Variants in DIS3L2 observed in about 807,000 individuals in gnomAD.
DIS3L2 encodes DIS3 like 3'-5' exoribonuclease 2.
Under a neutral mutation model 97.5 loss-of-function variants are expected in DIS3L2, and 34 were observed. The observed-to-expected ratio is 0.35, with a 90% CI of 0.27 to 0.46. The LOEUF (loss-of-function observed/expected upper bound fraction) is 0.46, where lower values mean the gene tolerates loss of function less well. Among genes scored for constraint, DIS3L2 ranks in the 20% least tolerant of loss-of-function variants. DIS3L2 has a pLI of 1.00. For missense variants in DIS3L2, 1,038 were observed against 1,146.0 expected (o/e 0.91, Z 1.36); for synonymous variants, 435 against 445.2 (o/e 0.98, Z 0.29).
chr2:232,250,629 C>T (rs1574972252), intron 12 of DIS3L2, among the ~76,000 whole-genome samples: 1 of 152,062 alleles, frequency 6.6e-6, no homozygotes, highest in East Asian at 1.9e-4. Flanking sequence ...AAAAATTGCC[C>T]CTCCTATAAC....
chr2:232,200,584 A>T (rs1172968243), intron 9 of DIS3L2, among the ~76,000 whole-genome samples: 1 of 149,510 alleles, frequency 6.7e-6, no homozygotes, highest in Admixed American at 6.6e-5. Context: ...AACACAGTGA[A>T]TTTTTTTAAA....
intron 14 of DIS3L2, 28 bp from the exon 15 acceptor site, chr2:232,329,785 T>TCCCGGGGGGGGGGGCC: frequency 5.2e-6 from 5 of 967,140 alleles, no homozygotes; most frequent in South Asian, 2.1e-5. Flanking sequence ...ACCCCAGCGG[T>TCCCGGGGGGGGGGGCC]CCCTCCCATC....
chr2:232,156,769 A>G (rs535056107), intron 8 of DIS3L2, among the ~76,000 whole-genome samples: 71 of 152,168 alleles, frequency 4.7e-4, no homozygotes, highest in Non-Finnish European at 8.8e-4. Flanking sequence ...CCTCACAAAC[A>G]CTGAGACTCC....
intron 6 of DIS3L2, among the ~76,000 whole-genome samples, chr2:232,092,232 T>C (rs1293401596): frequency 1.3e-5 from 2 of 152,194 alleles, no homozygotes. Flanking sequence ...TATGGATGTA[T>C]GTATTCTGGG....
At chr2:232,075,975 T>A (rs1663012921) in intron 5 of DIS3L2, among the ~76,000 whole-genome samples, 1 of 152,244 alleles carries the variant, frequency 6.6e-6, no homozygotes. Context: ...AAGAAACTGC[T>A]TTTCCAAGGT....
intron 9 of DIS3L2, among the ~76,000 whole-genome samples, chr2:232,190,511 A>G (rs540652952): frequency 1.4e-3 from 211 of 152,264 alleles, no homozygotes; most frequent in African/African-American, 4.5e-3. Flanking sequence ...TGGATTGGGA[A>G]AGATGAGTAA....
At chr2:232,225,376 G>A (rs1692617647) in intron 10 of DIS3L2, among the ~76,000 whole-genome samples, 2 of 152,100 alleles carry the variant, frequency 1.3e-5, no homozygotes, top group South Asian at 4.2e-4. Context: ...CTCTTACAAT[G>A]GAATATTATA....
At chr2:231,979,157 A>G (rs1366474059) in intron 1 of DIS3L2, among the ~76,000 whole-genome samples, 2 of 152,054 alleles carry the variant, frequency 1.3e-5, no homozygotes, top group Non-Finnish European at 2.9e-5. Flanking sequence ...CTAGGTTTTA[A>G]GCTATTTTTC....
At position 232,295,955 on chromosome 2, in the gene DIS3L2, G is replaced by A. The variant is rs527747336; in HGVS notation, c.1660-4085G>A. On this transcript the variant is annotated intron_variant, in intron 13 of 20. Coordinates refer to ENST00000325385, the MANE Select transcript of DIS3L2 (RefSeq NM_152383.5). Reference sequence around the variant, plus strand: ...GCCACTCCCCAGTTTCTGTTGTCCAGCTCTTAAATACAGGTGTTTCTCAGG... The same window carrying A: ...GCCACTCCCCAGTTTCTGTTGTCCAACTCTTAAATACAGGTGTTTCTCAGG... 3.9e-4 allele frequency among the ~76,000 whole-genome samples: 59 copies of A among 152,286 alleles called. 1 individual carries two copies. The highest frequency in any genetic ancestry group is 1.4e-3 in the African/African-American group (57 of 41,556).
At chr2:232,302,118 A>G (rs574946292) in intron 14 of DIS3L2, among the ~76,000 whole-genome samples, 1 of 151,486 alleles carries the variant, frequency 6.6e-6, no homozygotes, top group East Asian at 2.0e-4. Context: ...GTAGGAAATC[A>G]GATAGGAGCC....
intron 13 of DIS3L2, among the ~76,000 whole-genome samples, chr2:232,274,554 T>C (rs1694091481): frequency 6.6e-6 from 1 of 152,244 alleles, no homozygotes; most frequent in South Asian, 2.1e-4. Flanking sequence ...GGGGCTCTGC[T>C]GCGAAGGCCA....
At chr2:232,215,799 TAAAGAGC>T (rs1692316335) in intron 10 of DIS3L2, among the ~76,000 whole-genome samples, 3 of 152,124 alleles carry the variant, frequency 2.0e-5, no homozygotes, top group African/African-American at 4.8e-5. Flanking sequence ...GTAGTTGTTT[TAAAGAGC>T]AAAGGGCTGA....
At chr2:232,239,207 C>G (rs1253489459) in intron 11 of DIS3L2, among the ~76,000 whole-genome samples, 1 of 152,190 alleles carries the variant, frequency 6.6e-6, no homozygotes, top group Non-Finnish European at 1.5e-5. Flanking sequence ...TGTCTACAGA[C>G]CTCCCTAGAC....
chr2:232,055,455 A>C (rs981928012), intron 5 of DIS3L2, among the ~76,000 whole-genome samples: 36 of 152,384 alleles, frequency 2.4e-4, no homozygotes, highest in Admixed American at 2.4e-3. Flanking sequence ...TCAACATTGC[A>C]AACGACACAA....
In DIS3L2 at chr2:232,343,370, C is replaced by T. The variant is rs752623866; in HGVS notation, c.1607C>T (p.Ala536Val). The change falls in exon 14 of 14, where the codon GCC becomes GTC. Residue 536 changes from alanine to valine, a missense_variant. Transcript: ENST00000273009. ...CAGAACGCAGACAAGGATGGGGCTG[C>T]CCATCTTCAGGCCTCTCACAGCCCC... is the stretch of plus-strand genomic sequence containing the variant. The T allele has an allele frequency of 4.5e-6, 7 of 1,556,562 alleles. No individual in the cohort carries two copies. In the Admixed American group the frequency reaches 5.8e-5, roughly 13 times the overall value.
At chr2:232,139,587 G>A (rs1698455268) in intron 8 of DIS3L2, among the ~76,000 whole-genome samples, 1 of 152,140 alleles carries the variant, frequency 6.6e-6, no homozygotes, top group Non-Finnish European at 1.5e-5. Flanking sequence ...TGGCTTGAAT[G>A]GCTTATCTCT....
Position 232,263,365 on chromosome 2 carries a change from C to T in DIS3L2, c.1584C>T (p.Ala528=), listed in dbSNP as rs769018996. The stretch of plus-strand genomic sequence containing the variant: ...ATAGCAGCGAGGAGGTACACCAGGC[C>T]GTCTTGAATCTCCACGGAATTGCCA... ...PEHSSEEVHQ[A]VLNLHGIAKQ... The change falls in exon 13 of 21, where the codon GCC becomes GCT. Residue 528 remains alanine (A), a synonymous_variant. Transcript: ENST00000325385. 2.2e-5 allele frequency: 36 copies of T among 1,614,166 alleles called. No homozygotes were observed. The highest frequency in any genetic ancestry group is 1.6e-4 in the Middle Eastern group (1 of 6,062).
intron 20 of DIS3L2, 65 bp downstream of exon 20, chr2:232,335,939 C>T: frequency 6.5e-7 from 1 of 1,546,280 alleles, no homozygotes; most frequent in Non-Finnish European, 8.7e-7. Flanking sequence ...TCCTGCGGTG[C>T]CCCTCATTCC....
At chr2:232,315,559 G>A (rs1695249445) in intron 14 of DIS3L2, among the ~76,000 whole-genome samples, 1 of 152,142 alleles carries the variant, frequency 6.6e-6, no homozygotes, top group African/African-American at 2.4e-5. Flanking sequence ...CTGAGGCTTT[G>A]TGGCTTTTTC....
Sources: allele counts gnomAD v4.1 joint callset (sites outside exome capture counted in the v4.1 genomes callset), GRCh38; gene constraint gnomAD v4.1.1; transcripts MANE v1.5; gene names NCBI Gene and HGNC (gene_info 2026-07-23, HGNC 2026-07-21).